LIMCH1: variants seen among roughly 807,000 people sequenced by gnomAD.
The protein encoded by LIMCH1 is LIM and calponin homology domains 1, also known as LIM and calponin homology domains-containing protein 1.
In LIMCH1, 113 loss-of-function variants were observed where a neutral mutation model predicts 176.5. That is an observed-to-expected ratio of 0.64 (90% CI 0.55 to 0.75). LIMCH1 has a LOEUF of 0.75. Among genes scored for constraint, LIMCH1 ranks in the 30% least tolerant of loss-of-function variants. The pLI is 0.00. For synonymous variants in LIMCH1, 619 were observed against 645.9 expected (o/e 0.96, Z 0.63); for missense variants, 1,674 against 1,814.9 (o/e 0.92, Z 1.41).
chr4:41,434,409 G>C (rs966971208), intron 1 of LIMCH1, among the ~76,000 whole-genome samples: 1 of 152,362 alleles, frequency 6.6e-6, no homozygotes, highest in African/African-American at 2.4e-5. Flanking sequence ...CTTTGCAGCA[G>C]AGGGCAGCTA....
chr4:41,617,457 A>G (rs1337236114), intron 5 of LIMCH1, among the ~76,000 whole-genome samples: 2 of 152,176 alleles, frequency 1.3e-5, no homozygotes, highest in African/African-American at 4.8e-5. Context: ...AGAGTTTAGC[A>G]AGGTAGGGTA....
Position 41,633,563 on chromosome 4 carries a change from C to T in LIMCH1, c.1845C>T (p.Ala615=). 6.5e-7 allele frequency: 1 copy of T among 1,536,120 alleles called. No individual in the cohort carries two copies. The highest frequency in any genetic ancestry group is 1.2e-5 in the South Asian group (1 of 84,062). ...DSSQPLVCPL[A]SECEASGTEE... is the part of the protein sequence containing the mutation. Reference sequence around the variant, plus strand: ...GTTGCCCTAGGGTGTGTCCTCTGGCCTCTGAGTGTGAGGCTTCAGGGACAG... The same window carrying T: ...GTTGCCCTAGGGTGTGTCCTCTGGCTTCTGAGTGTGAGGCTTCAGGGACAG... The change falls in exon 13 of 32, where the codon GCC becomes GCT. Residue 615 remains alanine, a synonymous_variant. Transcript: ENST00000503057.
At chr4:41,653,672 A>C (rs1232381655) in intron 18 of LIMCH1, among the ~76,000 whole-genome samples, 2 of 152,204 alleles carry the variant, frequency 1.3e-5, no homozygotes, top group Non-Finnish European at 2.9e-5. Context: ...TCAGGAATGG[A>C]GGGAGAACAA....
At chr4:41,607,259 C>T (rs2090857510) in intron 4 of LIMCH1, among the ~76,000 whole-genome samples, 1 of 152,340 alleles carries the variant, frequency 6.6e-6, no homozygotes, top group African/African-American at 2.4e-5. Context: ...ATTTTCTAAA[C>T]ATTTATTTTC....
chr4:41,498,760 G>T (rs1219833213), intron 2 of LIMCH1, among the ~76,000 whole-genome samples: 2 of 152,144 alleles, frequency 1.3e-5, no homozygotes, highest in Non-Finnish European at 2.9e-5. Flanking sequence ...ACATACACCG[G>T]CCTGTTTTGA....
intron 1 of LIMCH1, among the ~76,000 whole-genome samples, chr4:41,455,155 A>G (rs1450912875): frequency 6.6e-6 from 1 of 152,234 alleles, no homozygotes; most frequent in African/African-American, 2.4e-5. Context: ...TAAAAGGAAA[A>G]CAATAGCAGA....
chr4:41,595,810 C>T (rs1224005080), intron 1 of LIMCH1, among the ~76,000 whole-genome samples: 3 of 152,074 alleles, frequency 2.0e-5, no homozygotes. Flanking sequence ...GTAATCCCAG[C>T]ACGTTGCAGG....
In LIMCH1 at chr4:41,631,350, C is replaced by T; in HGVS notation, c.1474C>T (p.Pro492Ser). 6.5e-7 allele frequency: 1 copy of T among 1,536,154 alleles called. No homozygotes were observed. The highest frequency in any genetic ancestry group is 1.2e-5 in the South Asian group (1 of 84,050). The stretch of plus-strand genomic sequence containing the variant: ...GCGGCTTAGCATTGGCAAGGCTGGG[C>T]CTAGAGAGGATGAAGAAGAAGTCAT... ...WKRLSIGKAG[P>S]REDEEEVICH... is the part of the protein sequence containing the mutation. Residue 492 changes from proline to serine, a missense_variant, in exon 10 of 32, where the codon CCT becomes TCT. Physicochemically the swap from Pro to Ser is moderately conservative, Grantham distance 74. Coordinates refer to ENST00000503057, the MANE Select transcript of LIMCH1 (RefSeq NM_001330672.2).
chr4:41,656,762 C>A (rs544271342), intron 18 of LIMCH1, among the ~76,000 whole-genome samples: 1 of 152,126 alleles, frequency 6.6e-6, no homozygotes, highest in East Asian at 1.9e-4. Context: ...GCCAGGAAAT[C>A]GCTCAGAGTC....
intron 1 of LIMCH1, among the ~76,000 whole-genome samples, chr4:41,465,852 C>T (rs1045533876): frequency 1.3e-5 from 2 of 152,122 alleles, no homozygotes; most frequent in Non-Finnish European, 2.9e-5. Context: ...AAGCCATACC[C>T]ATTCGTTGTA....
chr4:41,361,098 C>G (rs2051948494), intron 1 of LIMCH1, among the ~76,000 whole-genome samples: 1 of 152,130 alleles, frequency 6.6e-6, no homozygotes, highest in African/African-American at 2.4e-5. Context: ...GCCGCGAAAC[C>G]TTAGCGCTTT....
intron 1 of LIMCH1, among the ~76,000 whole-genome samples, chr4:41,399,094 G>A (rs1434398114): frequency 6.6e-6 from 1 of 152,182 alleles, no homozygotes; most frequent in African/African-American, 2.4e-5. Context: ...ATTAAAATGT[G>A]CTTTTTGTTG....
intron 1 of LIMCH1, among the ~76,000 whole-genome samples, chr4:41,552,129 A>C (rs1324035179): frequency 6.6e-6 from 1 of 152,124 alleles, no homozygotes; most frequent in Non-Finnish European, 1.5e-5. Context: ...TATGAGACTT[A>C]TTCACTATCA....
intron 1 of LIMCH1, among the ~76,000 whole-genome samples, chr4:41,456,538 C>T (rs1184578905): frequency 6.6e-6 from 1 of 151,890 alleles, no homozygotes; most frequent in Non-Finnish European, 1.5e-5. Flanking sequence ...GCAGTTTTGA[C>T]AGAGACGCTA....
intron 18 of LIMCH1, among the ~76,000 whole-genome samples, chr4:41,655,507 G>A (rs1433561398): frequency 1.3e-5 from 2 of 152,212 alleles, no homozygotes; most frequent in African/African-American, 4.8e-5. Flanking sequence ...GTCAAAATTA[G>A]CATCTTGAAC....
chr4:41,477,460 G>A lies in LIMCH1; in HGVS notation c.97-17076G>A, dbSNP rs370132355. 5.0e-4 allele frequency among the ~76,000 whole-genome samples: 76 copies of A among 152,300 alleles called. No individual in the cohort carries two copies. In the East Asian group the frequency reaches 8.3e-3, roughly 17 times the overall value. ...GGTAGCTCTGACTACCACACCGGGT[G>A]CTGAGGAGTAAACGAGTTGATGAAG... On this transcript the variant is annotated intron_variant, in intron 1 of 26. Transcript: ENST00000313860.
At chr4:41,556,165 C>A (rs901575542) in intron 1 of LIMCH1, among the ~76,000 whole-genome samples, 1 of 151,534 alleles carries the variant, frequency 6.6e-6, no homozygotes, top group African/African-American at 2.4e-5. Context: ...GAGGCCGAGG[C>A]GGGTGGATCA....
At chr4:41,360,574 A>G, upstream of LIMCH1, 1 of 227,950 alleles carries the variant, frequency 4.4e-6, no homozygotes, top group Non-Finnish European at 8.4e-6. This position sits in a 1 kb window ranked among gnomAD's most constrained non-coding sequence, Gnocchi z 4.5. Flanking sequence ...GCGGCCCTCG[A>G]AGGTGGGGAG....
At position 41,571,191 on chromosome 4, in the gene LIMCH1, T is replaced by C. The variant is rs375058205; in HGVS notation, c.-240-27729T>C. 5.3e-5 allele frequency among the ~76,000 whole-genome samples: 8 copies of C among 151,902 alleles called. No individual in the cohort carries two copies. The East Asian group carries it at 7.8e-4, about 15-fold the overall frequency. On this transcript the variant is annotated intron_variant, in intron 1 of 31. Transcript: ENST00000503057. The stretch of plus-strand genomic sequence containing the variant: ...CACACAGTCCTTGGAGGACTGTTCG[T>C]TAGGGTAGAAATGTTTTTTGTCTTG...
Sources: allele counts gnomAD v4.1 joint callset (sites outside exome capture counted in the v4.1 genomes callset), GRCh38; gene constraint gnomAD v4.1.1; non-coding constraint Gnocchi (gnomAD v3.1); transcripts MANE v1.5; gene names NCBI Gene and HGNC (gene_info 2026-07-23, HGNC 2026-07-21).